PLET1: variants seen among roughly 807,000 people sequenced by gnomAD.
PLET1 encodes the protein placenta expressed transcript 1.
In PLET1, 20 loss-of-function variants were observed where a neutral mutation model predicts 18.5. That is an observed-to-expected ratio of 1.08 (90% CI 0.76 to 1.57). The LOEUF (loss-of-function observed/expected upper bound fraction) is 1.57, where lower values mean the gene tolerates loss of function less well. PLET1 is among the 40% of genes most tolerant of loss of function. PLET1 has a pLI of 0.00. For synonymous variants in PLET1, 93 were observed against 93.8 expected (o/e 0.99, Z 0.05); for missense variants, 256 against 246.4 (o/e 1.04, Z -0.26).
At chr11:112,255,621 A>G in intron 1 of PLET1, 32 bp from the exon 2 acceptor site, 2 of 1,538,906 alleles carry the variant, frequency 1.3e-6, no homozygotes, top group Non-Finnish European at 1.8e-6. Flanking sequence ...GCAATCAGCC[A>G]TCTGTTCCCT....
Position 112,248,667 on chromosome 11 carries a change from GC to G in PLET1, c.*131del. On this transcript the variant is annotated 3_prime_UTR_variant, in exon 4 of 4. Transcript: ENST00000338832. ...CTCCAGATCTTTGTTTTGGTCTGAA[GC>G]CGTGGCAGCAAAGTTGCACATTTGA... The G allele has an allele frequency of 9.5e-7, 1 of 1,056,876 alleles. No homozygotes were observed. Among genetic ancestry groups the G allele is most frequent in the Non-Finnish European group, 1.4e-6 (1 of 740,058 alleles). The allele number at this position is 1,056,876 out of a possible 1,614,324, so 65.5% of individuals were successfully genotyped here.
chr11:112,258,474 A>G (rs899150173), intron 1 of PLET1, among the ~76,000 whole-genome samples: 5 of 151,806 alleles, frequency 3.3e-5, no homozygotes, highest in African/African-American at 4.8e-5. Flanking sequence ...AGTAAAGACT[A>G]CGTTTTGCCA....
At chr11:112,250,379 G>A (rs1860142926) in intron 3 of PLET1, among the ~76,000 whole-genome samples, 1 of 151,938 alleles carries the variant, frequency 6.6e-6, no homozygotes, top group African/African-American at 2.4e-5. Flanking sequence ...GATGTTTACA[G>A]TTGAGGAAAC....
intron 3 of PLET1, among the ~76,000 whole-genome samples, chr11:112,250,770 G>A (rs182967293): frequency 6.6e-6 from 1 of 152,022 alleles, no homozygotes; most frequent in Non-Finnish European, 1.5e-5. Context: ...ATCCAAAAAC[G>A]CTCTATCGGG....
At position 112,248,410 on chromosome 11, in the gene PLET1, T is replaced by C; in HGVS notation, c.*389A>G. On this transcript the variant is annotated 3_prime_UTR_variant, in exon 4 of 4. Transcript: ENST00000338832. Reference sequence around the variant, plus strand: ...GGGTTTGGTTAGAAATCTGAGATCATCTTGAAAGTAAGGAAGGATTCTTCC... The same window carrying C: ...GGGTTTGGTTAGAAATCTGAGATCACCTTGAAAGTAAGGAAGGATTCTTCC... 2.5e-6 allele frequency: 1 copy of C among 401,066 alleles called. No individual in the cohort carries two copies. The highest frequency in any genetic ancestry group is 4.4e-6 in the Non-Finnish European group (1 of 228,310). 24.8% of individuals were successfully genotyped at this position (401,066 alleles called of 1,614,324 possible).
At chr11:112,254,442 C>CGTGTGTGTG (rs1344608698) in intron 2 of PLET1, among the ~76,000 whole-genome samples, 3 of 114,066 alleles carry the variant, frequency 2.6e-5, no homozygotes, top group Non-Finnish European at 3.6e-5. Context: ...GTGGTATGTA[C>CGTGTGTGTG]GTGTGTGTGG....
chr11:112,249,743 G>A (rs186746699), intron 3 of PLET1, among the ~76,000 whole-genome samples: 1 of 151,980 alleles, frequency 6.6e-6, no homozygotes. Flanking sequence ...GATCACTTGA[G>A]GTCAGGGGTT....
At chr11:112,256,472 G>A (rs1759435768) in intron 1 of PLET1, among the ~76,000 whole-genome samples, 2 of 152,048 alleles carry the variant, frequency 1.3e-5, no homozygotes, top group Non-Finnish European at 1.5e-5. Flanking sequence ...TCTGAGCCTC[G>A]GTTTCCTTAT....
chr11:112,258,698 C>T (rs899184590), intron 1 of PLET1, among the ~76,000 whole-genome samples: 3 of 152,196 alleles, frequency 2.0e-5, no homozygotes, highest in Admixed American at 6.5e-5. Flanking sequence ...ACCTGAGGCT[C>T]TCCTCCAGGT....
chr11:112,255,178 T>C (rs1860212587), intron 2 of PLET1, among the ~76,000 whole-genome samples: 1 of 150,164 alleles, frequency 6.7e-6, no homozygotes, highest in South Asian at 2.1e-4. Flanking sequence ...AGTGTGTGTG[T>C]GGTATGTGGT....
At chr11:112,255,141 G>A (rs1468883310) in intron 2 of PLET1, among the ~76,000 whole-genome samples, 2 of 141,396 alleles carry the variant, frequency 1.4e-5, no homozygotes, top group Admixed American at 7.3e-5. Context: ...TGGGGTGCAT[G>A]TGTGTGTGTG....
In PLET1 at chr11:112,248,714, C is replaced by T; in HGVS notation, c.*85G>A. 7.0e-7 allele frequency: 1 copy of T among 1,420,010 alleles called. No homozygotes were observed. The allele number at this position is 1,420,010 out of a possible 1,614,324, so 88.0% of individuals were successfully genotyped here. ...TTTGAGAATGTAAAGCCTTCATTTA[C>T]ACACATTCGGTTCCCAGCACTAGCT... On this transcript the variant is annotated 3_prime_UTR_variant, in exon 4 of 4. Coordinates refer to ENST00000338832, the MANE Select transcript of PLET1 (RefSeq NM_001145024.1).
In PLET1 at chr11:112,260,748, T is replaced by C. The variant is rs1019668955; in HGVS notation, c.-159A>G. On this transcript the variant is annotated 5_prime_UTR_variant, in exon 1 of 4. It removes an upstream start codon present in the reference 5' UTR. Coordinates refer to ENST00000338832, the MANE Select transcript of PLET1 (RefSeq NM_001145024.1). Reference sequence around the variant, plus strand: ...GGATTCTGGAATTTGGCCCAAGACATCACCAGGAATGAATCACCAGTCACC... The same window carrying C: ...GGATTCTGGAATTTGGCCCAAGACACCACCAGGAATGAATCACCAGTCACC... 1.3e-5 allele frequency: 8 copies of C among 631,862 alleles called. No homozygotes were observed. In the Middle Eastern group the frequency reaches 1.3e-3, roughly 105 times the overall value. 39.1% of individuals were successfully genotyped at this position (631,862 alleles called of 1,614,324 possible). A position where few individuals can be genotyped will look rare whatever the true frequency, so the allele number is the denominator to read the frequency against.
At chr11:112,258,662 A>T (rs901164779) in intron 1 of PLET1, among the ~76,000 whole-genome samples, 3 of 152,064 alleles carry the variant, frequency 2.0e-5, no homozygotes, top group Non-Finnish European at 2.9e-5. Context: ...GAGGCTCGTG[A>T]TCTCTTTTGC....
chr11:112,248,651 T>A lies in PLET1; in HGVS notation c.*148A>T. ...GCCTGCCAATGAGTGCCTCCAGATC[T>A]TTGTTTTGGTCTGAAGCCGTGGCAG... On this transcript the variant is annotated 3_prime_UTR_variant, in exon 4 of 4. Coordinates refer to ENST00000338832, the MANE Select transcript of PLET1 (RefSeq NM_001145024.1). 1.2e-6 allele frequency: 1 copy of A among 867,498 alleles called. No individual in the cohort carries two copies. The highest frequency in any genetic ancestry group is 1.7e-6 in the Non-Finnish European group (1 of 572,010). The allele number at this position is 867,498 out of a possible 1,614,324, so 53.7% of individuals were successfully genotyped here. A position where few individuals can be genotyped will look rare whatever the true frequency, so the allele number is the denominator to read the frequency against.
chr11:112,254,617 GTGTGTGGTATGA>G (rs1474739692), intron 2 of PLET1, among the ~76,000 whole-genome samples: 52 of 135,202 alleles, frequency 3.8e-4, no homozygotes, highest in African/African-American at 1.3e-3. Flanking sequence ...TGTGTATGGT[GTGTGTGGTATGA>G]GTGTGTGTGG....
At chr11:112,259,314 A>G (rs962584324) in intron 1 of PLET1, among the ~76,000 whole-genome samples, 1 of 152,230 alleles carries the variant, frequency 6.6e-6, no homozygotes, top group African/African-American at 2.4e-5. Flanking sequence ...AGCAAGAGTC[A>G]CTTAGCATCT....
rs765918362 is a variant in PLET1, at chr11:112,252,387, C to T, written c.409G>A (p.Ala137Thr). ...EIQAFTVQIR[A>T]LPILSTLKLR... ...TTCAGAGTAGAAAGTATAGGCAGCGCTCTGATCTGGACAGTGAAAGCTCTG... is the reference window on the plus strand; with the variant it reads ...TTCAGAGTAGAAAGTATAGGCAGCGTTCTGATCTGGACAGTGAAAGCTCTG... Residue 137 changes from alanine to threonine, a missense_variant, in exon 3 of 4, where the codon GCG (alanine) becomes ACG (threonine). Transcript: ENST00000338832. The T allele has an allele frequency of 6.4e-7, 1 of 1,551,468 alleles. No homozygotes were observed. The highest frequency in any genetic ancestry group is 2.4e-5 in the East Asian group (1 of 40,924).
intron 2 of PLET1, 95 bp from the exon 3 acceptor site, chr11:112,252,504 CT>C: frequency 9.4e-7 from 1 of 1,060,200 alleles, no homozygotes. Flanking sequence ...CGCTTAATTC[CT>C]TTTGTGCTTA....
Sources: gnomAD v4.1 joint callset for allele counts (sites outside exome capture counted in the v4.1 genomes callset) on GRCh38, gnomAD v4.1.1 for gene constraint, MANE v1.5 for transcripts, NCBI Gene and HGNC (gene_info 2026-07-23, HGNC 2026-07-21) for gene names.